SMG6: variants seen among roughly 807,000 people sequenced by gnomAD.
The protein encoded by SMG6 is telomerase-binding protein EST1A.
In SMG6, 66 loss-of-function variants were observed where a neutral mutation model predicts 142.2. That is an observed-to-expected ratio of 0.46 (90% CI 0.38 to 0.57). The LOEUF is 0.57. Among genes scored for constraint, SMG6 ranks in the 20% least tolerant of loss-of-function variants. The pLI is 0.00. For missense variants in SMG6, 1,793 were observed against 1,832.0 expected (o/e 0.98, Z 0.39); for synonymous variants, 779 against 702.4 (o/e 1.11, Z -1.72).
In SMG6 at chr17:2,282,374, G is replaced by A. The variant is rs139686887; in HGVS notation, c.2661+273C>T. 1.1e-4 allele frequency among the ~76,000 whole-genome samples: 14 copies of A among 126,556 alleles called. No homozygotes were observed. In the East Asian group the frequency reaches 2.5e-3, roughly 22 times the overall value. 83.0% of individuals were successfully genotyped at this position (126,556 alleles called of 152,430 possible). A position where few individuals can be genotyped will look rare whatever the true frequency, so the allele number is the denominator to read the frequency against. On this transcript the variant is annotated intron_variant, in intron 8 of 18. Transcript: ENST00000263073. ...AATCCTAAAGCATCATGTTGATGAC[G>A]CTGAACAAAAAGCAGCAAAAAAAAA...
chr17:2,238,027 T>C (rs78881754), intron 9 of SMG6, among the ~76,000 whole-genome samples: 2,860 of 152,270 alleles, frequency 0.019, 107 homozygotes, highest in African/African-American at 0.065. Flanking sequence ...TCTCAAAAGA[T>C]AGAAAGCAGT....
At chr17:2,223,781 A>G (rs775887154) in intron 10 of SMG6, among the ~76,000 whole-genome samples, 1 of 152,196 alleles carries the variant, frequency 6.6e-6, no homozygotes, top group Non-Finnish European at 1.5e-5. Context: ...TGTGAGCCCA[A>G]TGACACCATT....
chr17:2,300,223 A>G lies in SMG6; in HGVS notation c.530T>C (p.Val177Ala), dbSNP rs1231572805. 1 of 1,612,644 alleles carries G rather than the reference A, an allele frequency of 6.2e-7. No individual in the cohort carries two copies. Among genetic ancestry groups the G allele is most frequent in the Non-Finnish European group, 8.5e-7 (1 of 1,179,686 alleles). The change falls in exon 2 of 19, where the codon GTA becomes GCA. Residue 177 changes from valine (V) to alanine (A), a missense_variant. Val to Ala is a moderately conservative substitution (Grantham distance 64). This residue lies in a region of SMG6 where 1,597 missense variants were observed against 1,584.6 expected (regional missense o/e 1.01). Coordinates refer to ENST00000263073, the MANE Select transcript of SMG6 (RefSeq NM_017575.5). ...EVLNQVEQLR[V>A]EEDECRGNVA... ...ATTTCCCCTACACTCATCTTCCTCT[A>G]CTCTCAGTTGTTCTACCTGGTTGAG...
chr17:2,292,433 G>A (rs549684213), intron 6 of SMG6, 119 bp downstream of exon 6: 74 of 958,712 alleles, frequency 7.7e-5, no homozygotes, highest in Non-Finnish European at 1.1e-4. Flanking sequence ...AGTTTGAGGG[G>A]ATATTCTTTG....
At chr17:2,123,355 T>A (rs548566161) in intron 13 of SMG6, among the ~76,000 whole-genome samples, 1 of 152,080 alleles carries the variant, frequency 6.6e-6, no homozygotes, top group East Asian at 1.9e-4. Flanking sequence ...CTAAGAGCCA[T>A]ATGGCTTAAA....
intron 12 of SMG6, among the ~76,000 whole-genome samples, chr17:2,176,595 A>G (rs779266580): frequency 6.6e-6 from 1 of 152,198 alleles, no homozygotes; most frequent in African/African-American, 2.4e-5. Flanking sequence ...AAGCAGCCAG[A>G]GAATACGCAA....
At chr17:2,292,441 T>C (rs1034560047) in intron 6 of SMG6, 111 bp downstream of exon 6, 2 of 1,053,540 alleles carry the variant, frequency 1.9e-6, no homozygotes, top group East Asian at 4.8e-5. Context: ...GGGATATTCT[T>C]TGGGCTACAG....
intron 13 of SMG6, among the ~76,000 whole-genome samples, chr17:2,109,600 A>C (rs2069252199): frequency 6.6e-6 from 1 of 152,126 alleles, no homozygotes; most frequent in Non-Finnish European, 1.5e-5. Context: ...AAGGCAGTAG[A>C]TTAAGAATAG....
chr17:2,119,795 T>G (rs7225168), intron 13 of SMG6, among the ~76,000 whole-genome samples: 53,753 of 151,756 alleles, frequency 0.35, 10,148 homozygotes, highest in African/African-American at 0.49. Flanking sequence ...CCAAGTAGAT[T>G]GGGCTACAGA....
chr17:2,298,653 G>A (rs1199070281), intron 2 of SMG6, among the ~76,000 whole-genome samples: 1 of 150,696 alleles, frequency 6.6e-6, no homozygotes, highest in Non-Finnish European at 1.5e-5. Flanking sequence ...AGGAGGCAGA[G>A]TTTGTAGTGA....
At chr17:2,223,953 T>A (rs1188641783) in intron 10 of SMG6, among the ~76,000 whole-genome samples, 1 of 152,162 alleles carries the variant, frequency 6.6e-6, no homozygotes, top group African/African-American at 2.4e-5. Context: ...AAAGAAAGTC[T>A]GAGTAAGTCT....
Position 2,085,742 on chromosome 17 carries a change from T to C in SMG6, c.3517A>G (p.Thr1173Ala). Reference protein sequence around the residue: ...MGKEMGSQEGTRLEDEEEDVV... With the variant: ...MGKEMGSQEGARLEDEEEDVV... ...CATAGTACCTCATCTTCCAGTCGTG[T>C]TCCCTCTTGGCTTCCCATTTCCTTT... Residue 1173 changes from threonine (T) to alanine (A), a missense_variant, in exon 14 of 19, where the codon ACA becomes GCA. Thr to Ala is a moderately conservative substitution (Grantham distance 58, BLOSUM62 0). Around this residue, in one of 3 missense-constraint regions of SMG6, gnomAD observed 1,597 missense variants for 1,584.6 expected, o/e 1.01. Transcript: ENST00000263073. The surrounding 1 kb of genome is among the most constrained non-coding windows in gnomAD (Gnocchi z 4.1). 1 of 1,613,906 alleles carries C rather than the reference T, an allele frequency of 6.2e-7. No individual in the cohort carries two copies. Among genetic ancestry groups the C allele is most frequent in the Non-Finnish European group, 8.5e-7 (1 of 1,179,906 alleles).
chr17:2,112,417 A>G (rs1305614441), intron 13 of SMG6, among the ~76,000 whole-genome samples: 1 of 151,536 alleles, frequency 6.6e-6, no homozygotes, highest in Non-Finnish European at 1.5e-5. Context: ...CTGAGGCAGG[A>G]GAATGGCATG....
chr17:2,279,666 G>A (rs1213971172), intron 8 of SMG6, among the ~76,000 whole-genome samples: 1 of 152,102 alleles, frequency 6.6e-6, no homozygotes, highest in Non-Finnish European at 1.5e-5. Flanking sequence ...TTAGGAGGTG[G>A]ACTCAACAGT....
chr17:2,072,240 T>C (rs78886156), intron 15 of SMG6, among the ~76,000 whole-genome samples: 1 of 151,932 alleles, frequency 6.6e-6, no homozygotes, highest in East Asian at 1.9e-4. Context: ...TGGCATGGAG[T>C]CAAGCGTGCT....
chr17:2,267,587 C>G (rs1024932973), intron 8 of SMG6, among the ~76,000 whole-genome samples: 2 of 152,068 alleles, frequency 1.3e-5, no homozygotes, highest in African/African-American at 2.4e-5. Context: ...AATGAAATAA[C>G]TGGGTTATCA....
chr17:2,234,931 T>C (rs909353034), intron 10 of SMG6, among the ~76,000 whole-genome samples: 6 of 152,266 alleles, frequency 3.9e-5, no homozygotes, highest in South Asian at 4.2e-4. Flanking sequence ...CACAGGTCAT[T>C]TGGTGCTGGA....
At chr17:2,244,759 TC>T in intron 8 of SMG6, 40 bp from the exon 9 acceptor site, 3 of 1,550,112 alleles carry the variant, frequency 1.9e-6, no homozygotes, top group Non-Finnish European at 2.7e-6. Flanking sequence ...AATTAAACTT[TC>T]CCCAGTTTCC....
chr17:2,179,848 G>GA (rs2071753167), intron 12 of SMG6, among the ~76,000 whole-genome samples: 1 of 152,192 alleles, frequency 6.6e-6, no homozygotes. Context: ...CAGCTGCAGA[G>GA]AAAGCTCTGG....
Sources: gnomAD v4.1 joint callset for allele counts (sites outside exome capture counted in the v4.1 genomes callset) on GRCh38, gnomAD v4.1.1 for gene constraint, gnomAD v4.1.1 regional missense constraint, Gnocchi (gnomAD v3.1) non-coding constraint, MANE v1.5 for transcripts, NCBI Gene and HGNC (gene_info 2026-07-23, HGNC 2026-07-21) for gene names.